The following PPEF2 variants were observed in gnomAD, a reference collection of about 807,000 sequenced individuals.
The protein encoded by PPEF2 is serine/threonine-protein phosphatase with EF-hands 2.
A neutral mutation model predicts 84.7 loss-of-function variants in PPEF2; 84 were observed. The observed-to-expected ratio is 0.99, with a 90% CI of 0.83 to 1.19. PPEF2 has a LOEUF of 1.19. Among genes scored for constraint, PPEF2 ranks in the 50% most tolerant of loss-of-function variants. The pLI, the probability that PPEF2 is intolerant of heterozygous loss-of-function variation, is 0.00. For synonymous variants in PPEF2, 346 were observed against 345.2 expected, an observed-to-expected ratio of 1.00 and a Z score of -0.03; for missense variants, 924 against 937.5, an observed-to-expected ratio of 0.99 and a Z score of 0.19.
At chr4:75,864,657 T>G in intron 15 of PPEF2, 130 bp from the exon 16 acceptor site, 3 of 679,870 alleles carry the variant, frequency 4.4e-6, no homozygotes, top group Non-Finnish European at 7.8e-6. Context: ...CATCCCTCCA[T>G]TCCCTCTACC....
chr4:75,867,238 T>A, intron 14 of PPEF2, 75 bp downstream of exon 14: 1 of 1,110,952 alleles, frequency 9.0e-7, no homozygotes, highest in Non-Finnish European at 1.3e-6. Flanking sequence ...AAATATTTAT[T>A]TGCTAACTAG....
At chr4:75,896,220 A>C (rs758004505) in intron 2 of PPEF2, 51 bp downstream of exon 2, 1 of 1,579,248 alleles carries the variant, frequency 6.3e-7, no homozygotes, top group Admixed American at 1.7e-5. Context: ...TCTCCATGCA[A>C]TATGGGCTTT....
chr4:75,895,676 G>A (rs1195556759), intron 2 of PPEF2, among the ~76,000 whole-genome samples: 1 of 151,826 alleles, frequency 6.6e-6, no homozygotes, highest in Non-Finnish European at 1.5e-5. Context: ...AGTTTGCAGT[G>A]AGTAGAGATC....
At chr4:75,870,165 C>T (rs1724233453) in intron 13 of PPEF2, among the ~76,000 whole-genome samples, 1 of 152,040 alleles carries the variant, frequency 6.6e-6, no homozygotes, top group South Asian at 2.1e-4. Flanking sequence ...GTAGGGAATC[C>T]TAGAGTGACT....
rs545932917 is a variant in PPEF2, at chr4:75,895,445, T to C, written c.55+826A>G. On this transcript the variant is annotated intron_variant, in intron 2 of 16. Coordinates refer to ENST00000286719, the MANE Select transcript of PPEF2 (RefSeq NM_006239.3). ...CTCGGTCTCAAAAACAAAAAAAAAT[T>C]TTTTAGGTTGGGCACGGTGGCTCAC... Among the ~76,000 whole-genome samples the C allele has an allele frequency of 3.4e-5, 5 of 146,624 alleles. No homozygotes were observed. In the South Asian group the frequency reaches 8.6e-4, roughly 25 times the overall value.
chr4:75,891,719 C>T lies in PPEF2; in HGVS notation c.184-14G>A, dbSNP rs1462152528. ...GAAGTCATGGAGCTGCAGAAGAACC[C>T]AAGGAGACGTGGCTTTAGAGGTGAG... On this transcript the variant is annotated splice_polypyrimidine_tract_variant and intron_variant, in intron 3 of 16. Transcript: ENST00000286719. 6.2e-7 allele frequency: 1 copy of T among 1,608,890 alleles called. No homozygotes were observed. Among genetic ancestry groups the T allele is most frequent in the Admixed American group, 1.7e-5 (1 of 59,108 alleles).
At chr4:75,893,435 T>C (rs548289844) in intron 2 of PPEF2, among the ~76,000 whole-genome samples, 4 of 151,912 alleles carry the variant, frequency 2.6e-5, no homozygotes, top group Admixed American at 2.0e-4. Flanking sequence ...GAGGCAGAGG[T>C]TGCAGTGAGC....
At chr4:75,888,137 C>T in intron 6 of PPEF2, 77 bp downstream of exon 6, 1 of 1,154,280 alleles carries the variant, frequency 8.7e-7, no homozygotes, top group Non-Finnish European at 1.3e-6. Context: ...CAGCCCGCCA[C>T]TCCTCTTGCA....
intron 1 of PPEF2, among the ~76,000 whole-genome samples, chr4:75,901,087 T>C (rs1725111304): frequency 6.6e-6 from 1 of 152,178 alleles, no homozygotes; most frequent in Non-Finnish European, 1.5e-5. Context: ...TAAAAATCAA[T>C]AAATGATATT....
At chr4:75,868,877 T>C (rs1339794105) in intron 13 of PPEF2, among the ~76,000 whole-genome samples, 1 of 151,844 alleles carries the variant, frequency 6.6e-6, no homozygotes, top group Admixed American at 6.6e-5. Flanking sequence ...GGCATGGTGG[T>C]GCATGCCTGT....
Position 75,873,183 on chromosome 4 carries a change from G to C in PPEF2, c.1450C>G (p.Leu484Val), listed in dbSNP as rs1218316239. Residue 484 changes from leucine (L) to valine (V), a missense_variant, in exon 12 of 17, where the codon CTG becomes GTG. By Grantham distance (32) the Leu-to-Val change is conservative (BLOSUM62 1). Transcript: ENST00000286719. Reference sequence around the variant, plus strand: ...GGTTTGCATTCATGTGAACGGATCAGGAATTGCATGTTGTATTTTTGTAGC... The same window carrying C: ...GGTTTGCATTCATGTGAACGGATCACGAATTGCATGTTGTATTTTTGTAGC... ...QLLQKYNMQF[L>V]IRSHECKPEG... The C allele has an allele frequency of 1.2e-6, 2 of 1,614,168 alleles. No individual in the cohort carries two copies. Among genetic ancestry groups the C allele is most frequent in the Non-Finnish European group, 1.7e-6 (2 of 1,180,016 alleles).
chr4:75,900,046 AC>A (rs1288208302), intron 1 of PPEF2, among the ~76,000 whole-genome samples: 2 of 152,190 alleles, frequency 1.3e-5, no homozygotes, highest in Non-Finnish European at 2.9e-5. Context: ...TGCTTTCTAT[AC>A]AATAAAACCT....
At chr4:75,886,503 C>A (rs188530965) in intron 7 of PPEF2, among the ~76,000 whole-genome samples, 48 of 152,196 alleles carry the variant, frequency 3.2e-4, no homozygotes, top group Admixed American at 5.9e-4. Flanking sequence ...GCAGCTCCCT[C>A]GCTGTGATCT....
intron 10 of PPEF2, among the ~76,000 whole-genome samples, chr4:75,876,961 T>C (rs1353709731): frequency 1.5e-5 from 1 of 67,184 alleles, no homozygotes; most frequent in Non-Finnish European, 3.6e-5. Flanking sequence ...TAAACTGAGA[T>C]TGAACCACTG....
At chr4:75,879,576 A>G (rs13130621) in intron 10 of PPEF2, among the ~76,000 whole-genome samples, 130,969 of 152,176 alleles carry the variant, frequency 0.86, 59,415 homozygotes, top group Non-Finnish European at 0.99. Flanking sequence ...TTTTTTTGTC[A>G]GATTCTTCTG....
chr4:75,895,434 CA>C (rs199671991), intron 2 of PPEF2, among the ~76,000 whole-genome samples: 5 of 137,982 alleles, frequency 3.6e-5, no homozygotes, highest in East Asian at 2.2e-4. Flanking sequence ...GTCTCAAAAA[CA>C]AAAAAAAATT....
intron 10 of PPEF2, chr4:75,881,321 A>G (rs1369547776): frequency 6.6e-6 from 1 of 152,076 alleles, no homozygotes; most frequent in Non-Finnish European, 1.5e-5. Flanking sequence ...GCTGGTCTCG[A>G]ACTCCTTACC....
intron 1 of PPEF2, among the ~76,000 whole-genome samples, chr4:75,901,551 GGAAGTA>G (rs1378296585): frequency 1.3e-5 from 2 of 151,908 alleles, no homozygotes; most frequent in Non-Finnish European, 2.9e-5. Context: ...AACAGAAAGG[GGAAGTA>G]GAATAATTCT....
At chr4:75,867,475 A>C in intron 13 of PPEF2, 56 bp from the exon 14 acceptor site, 1 of 1,283,092 alleles carries the variant, frequency 7.8e-7, no homozygotes, top group South Asian at 1.2e-5. Flanking sequence ...AAAAATACTT[A>C]GAGATTTTAC....
Sources: gnomAD v4.1 joint callset for allele counts (sites outside exome capture counted in the v4.1 genomes callset) on GRCh38, gnomAD v4.1.1 for gene constraint, MANE v1.5 for transcripts, NCBI Gene and HGNC (gene_info 2026-07-23, HGNC 2026-07-21) for gene names.